The following GSK3B variants were observed in gnomAD, a reference collection of about 807,000 sequenced individuals.
GSK3B encodes the protein glycogen synthase kinase 3 beta, also known as glycogen synthase kinase-3 beta.
GSK3B carries 15 observed loss-of-function variants against 56.4 expected under a neutral mutation model. The observed-to-expected ratio is 0.27, with a 90% CI of 0.18 to 0.41. The LOEUF (loss-of-function observed/expected upper bound fraction) is 0.41, where lower values mean the gene tolerates loss of function less well. Ranked by LOEUF, GSK3B falls within the 10% of genes least tolerant of loss-of-function variation. The pLI is 1.00. For missense variants in GSK3B, 300 were observed against 513.4 expected (o/e 0.58, Z 4.02); for synonymous variants, 181 against 188.9 (o/e 0.96, Z 0.34).
chr3:119,985,142 C>T (rs1025123525), intron 2 of GSK3B, among the ~76,000 whole-genome samples: 9 of 152,054 alleles, frequency 5.9e-5, no homozygotes, highest in African/African-American at 2.2e-4. Flanking sequence ...ATTCAACAGC[C>T]CCTCATGCTA....
At chr3:119,849,923 C>A (rs984585866) in intron 9 of GSK3B, among the ~76,000 whole-genome samples, 1 of 152,114 alleles carries the variant, frequency 6.6e-6, no homozygotes, top group Non-Finnish European at 1.5e-5. Context: ...TCACGCGATT[C>A]TCGTGCATGA....
chr3:120,061,348 C>G (rs1256998083), intron 1 of GSK3B, among the ~76,000 whole-genome samples: 2 of 152,176 alleles, frequency 1.3e-5, no homozygotes, highest in Non-Finnish European at 2.9e-5. Context: ...ACTAAATATT[C>G]TAGAGCATAT....
intron 4 of GSK3B, among the ~76,000 whole-genome samples, chr3:119,920,937 C>G (rs547892902): frequency 1.3e-5 from 2 of 152,158 alleles, no homozygotes; most frequent in Non-Finnish European, 2.9e-5. Context: ...TAACCAATCC[C>G]GTGACAATTA....
intron 2 of GSK3B, among the ~76,000 whole-genome samples, chr3:119,969,506 T>C (rs1231607112): frequency 6.6e-6 from 1 of 152,170 alleles, no homozygotes; most frequent in African/African-American, 2.4e-5. Flanking sequence ...GATTCTAAAA[T>C]TTATATGGAA....
At chr3:120,042,410 G>A (rs1238974578) in intron 1 of GSK3B, among the ~76,000 whole-genome samples, 1 of 152,148 alleles carries the variant, frequency 6.6e-6, no homozygotes, top group East Asian at 1.9e-4. Flanking sequence ...TTATACCCTA[G>A]CCAAAACGGG....
intron 6 of GSK3B, among the ~76,000 whole-genome samples, chr3:119,912,252 G>A (rs866773087): frequency 4.6e-5 from 7 of 152,050 alleles, no homozygotes; most frequent in South Asian, 4.2e-4. Flanking sequence ...ACACAACACC[G>A]ATCGATTAAG....
chr3:120,040,388 C>T (rs2058056064), intron 1 of GSK3B, among the ~76,000 whole-genome samples: 2 of 152,134 alleles, frequency 1.3e-5, no homozygotes, highest in African/African-American at 2.4e-5. Flanking sequence ...AGGGAAGTGG[C>T]CAGAGCAGAT....
intron 1 of GSK3B, among the ~76,000 whole-genome samples, chr3:120,055,758 C>G (rs565645252): frequency 6.6e-6 from 1 of 152,240 alleles, no homozygotes; most frequent in Admixed American, 6.5e-5. Context: ...CAATTATTTA[C>G]ATGAAAATGG....
At chr3:119,870,516 C>T (rs1466620508) in intron 8 of GSK3B, among the ~76,000 whole-genome samples, 1 of 152,180 alleles carries the variant, frequency 6.6e-6, no homozygotes, top group Non-Finnish European at 1.5e-5. Flanking sequence ...ACTTAGTATT[C>T]TTCCTTTTTC....
chr3:120,078,545 C>CTT (rs66489313), intron 1 of GSK3B, among the ~76,000 whole-genome samples: 19 of 140,666 alleles, frequency 1.4e-4, no homozygotes, highest in Admixed American at 2.1e-4. Context: ...AACTTCTCCT[C>CTT]TTTTTTTTTT....
intron 2 of GSK3B, among the ~76,000 whole-genome samples, chr3:119,979,595 G>C (rs1280472628): frequency 6.6e-6 from 1 of 152,158 alleles, no homozygotes; most frequent in African/African-American, 2.4e-5. Context: ...TGTCTGACTT[G>C]TCACAGATCA....
chr3:119,897,518 T>C (rs1168107138), intron 7 of GSK3B, among the ~76,000 whole-genome samples: 1 of 151,834 alleles, frequency 6.6e-6, no homozygotes, highest in East Asian at 1.9e-4. Context: ...CCTGGAGTTC[T>C]TGGGAGAGCT....
chr3:119,830,285 C>T (rs1423546490), intron 10 of GSK3B, among the ~76,000 whole-genome samples: 1 of 152,178 alleles, frequency 6.6e-6, no homozygotes, highest in South Asian at 2.1e-4. Flanking sequence ...CAGATTACCA[C>T]CTTTTTAGAA....
intron 1 of GSK3B, among the ~76,000 whole-genome samples, chr3:120,024,411 C>T (rs915219757): frequency 6.6e-6 from 1 of 152,102 alleles, no homozygotes; most frequent in African/African-American, 2.4e-5. Context: ...CATTCTTTGA[C>T]ATTCTTTATG....
chr3:119,969,759 G>C (rs1254020028), intron 2 of GSK3B, among the ~76,000 whole-genome samples: 1 of 152,188 alleles, frequency 6.6e-6, no homozygotes, highest in Non-Finnish European at 1.5e-5. Context: ...AAGTAGAGTA[G>C]TCTAAACATT....
chr3:119,888,275 C>G (rs984485046), intron 7 of GSK3B, among the ~76,000 whole-genome samples: 1 of 152,104 alleles, frequency 6.6e-6, no homozygotes, highest in Non-Finnish European at 1.5e-5. Context: ...AACACAGGGA[C>G]CAGCTGGAGC....
chr3:119,822,821 C>A lies in GSK3B; in HGVS notation c.*3967G>T, dbSNP rs955807786. On this transcript the variant is annotated 3_prime_UTR_variant, in exon 11 of 11. Coordinates refer to ENST00000264235, the MANE Select transcript of GSK3B (RefSeq NM_001146156.2). ...AATTTCAGTTGAAAAGAAAGAAAAC[C>A]CCCCAAATTCCTGGGGATCTGGCAT... 3.5e-5 allele frequency: 8 copies of A among 228,142 alleles called. No homozygotes were observed. Among genetic ancestry groups the A allele is most frequent in the Non-Finnish European group, 6.1e-5 (7 of 114,898 alleles). The allele number at this position is 228,142 out of a possible 1,614,324, so 14.1% of individuals were successfully genotyped here. A position where few individuals can be genotyped will look rare whatever the true frequency, so the allele number is the denominator to read the frequency against.
chr3:119,889,303 T>C (rs1465224497), intron 7 of GSK3B, among the ~76,000 whole-genome samples: 1 of 151,984 alleles, frequency 6.6e-6, no homozygotes, highest in Admixed American at 6.6e-5. Context: ...CCGACACTCA[T>C]GGAAAATAGA....
intron 1 of GSK3B, among the ~76,000 whole-genome samples, chr3:120,023,820 A>G (rs1302102367): frequency 6.6e-6 from 1 of 152,208 alleles, no homozygotes; most frequent in African/African-American, 2.4e-5. Flanking sequence ...CAATTTCATT[A>G]AGATCTCCAT....
Sources: gnomAD v4.1 joint callset for allele counts (sites outside exome capture counted in the v4.1 genomes callset) on GRCh38, gnomAD v4.1.1 for gene constraint, MANE v1.5 for transcripts, NCBI Gene and HGNC (gene_info 2026-07-23, HGNC 2026-07-21) for gene names.